The following SERPINB8 variants were observed in gnomAD, a reference collection of about 807,000 sequenced individuals.
SERPINB8 encodes serpin family B member 8.
SERPINB8 carries 25 observed loss-of-function variants against 35.3 expected under a neutral mutation model. The observed-to-expected ratio is 0.71, with a 90% CI of 0.52 to 0.99. The LOEUF (loss-of-function observed/expected upper bound fraction) is 0.99. Among genes scored for constraint, SERPINB8 ranks in the 50% least tolerant of loss-of-function variants. The pLI is 0.00. For synonymous variants in SERPINB8, 186 were observed against 160.8 expected (o/e 1.16, Z -1.19); for missense variants, 484 against 446.5 (o/e 1.08, Z -0.76).
At chr18:63,974,596 C>G (rs1163706686) in intron 1 of SERPINB8, among the ~76,000 whole-genome samples, 1 of 152,210 alleles carries the variant, frequency 6.6e-6, no homozygotes, top group African/African-American at 2.4e-5. Context: ...GAAATAAAAA[C>G]TTCTGATTCC....
At chr18:63,997,433 A>G (rs567944134) in intron 1 of SERPINB8, among the ~76,000 whole-genome samples, 1 of 152,332 alleles carries the variant, frequency 6.6e-6, no homozygotes, top group African/African-American at 2.4e-5. Flanking sequence ...CCTCCCAGGC[A>G]TGTCGTCCAA....
downstream of SERPINB8, among the ~76,000 whole-genome samples, chr18:63,991,543 G>GTT (rs140763221): frequency 6.6e-6 from 1 of 151,352 alleles, no homozygotes; most frequent in Admixed American, 6.6e-5. Context: ...TATAATACAG[G>GTT]TTTTTTTTTG....
At chr18:64,017,507 CA>C (rs2050956094) in intron 7 of SERPINB8, among the ~76,000 whole-genome samples, 1 of 152,100 alleles carries the variant, frequency 6.6e-6, no homozygotes, top group Non-Finnish European at 1.5e-5. Flanking sequence ...CACAATTTTT[CA>C]GTATGTTCTA....
At chr18:63,979,667 T>C (rs2050638875) in intron 2 of SERPINB8, 134 bp from the exon 3 acceptor site, 1 of 1,025,754 alleles carries the variant, frequency 9.7e-7, no homozygotes, top group South Asian at 1.5e-5. Flanking sequence ...AGAAACCCTG[T>C]GCTAGACAAT....
At chr18:64,006,417 T>C (rs1253211486), downstream of SERPINB8, among the ~76,000 whole-genome samples, 1 of 152,120 alleles carries the variant, frequency 6.6e-6, no homozygotes, top group African/African-American at 2.4e-5. Context: ...ATGGGAACCC[T>C]CATGTGGGAT....
intron 1 of SERPINB8, among the ~76,000 whole-genome samples, chr18:63,999,647 T>C (rs1244512529): frequency 6.6e-6 from 1 of 152,242 alleles, no homozygotes; most frequent in African/African-American, 2.4e-5. Flanking sequence ...CCCAACCCGA[T>C]GTATACCTTT....
intron 1 of SERPINB8, among the ~76,000 whole-genome samples, chr18:63,975,581 C>A (rs1472719586): frequency 6.6e-6 from 1 of 152,060 alleles, no homozygotes; most frequent in Non-Finnish European, 1.5e-5. Flanking sequence ...TTTTCTGAAC[C>A]CTAACCATAA....
intron 5 of SERPINB8, among the ~76,000 whole-genome samples, chr18:63,984,470 C>T (rs539572153): frequency 2.0e-5 from 3 of 152,290 alleles, no homozygotes; most frequent in African/African-American, 7.2e-5. Context: ...CCTAACTTTA[C>T]CTTCCCTTTT....
downstream of SERPINB8, among the ~76,000 whole-genome samples, chr18:64,008,219 A>T (rs2050909277): frequency 6.6e-6 from 1 of 152,040 alleles, no homozygotes; most frequent in Non-Finnish European, 1.5e-5. Flanking sequence ...ATTCTTAATA[A>T]ACAAAGGAGA....
chr18:63,971,134 C>G (rs560936015), intron 1 of SERPINB8, among the ~76,000 whole-genome samples: 1 of 152,146 alleles, frequency 6.6e-6, no homozygotes, highest in Non-Finnish European at 1.5e-5. Context: ...CCAGCACACC[C>G]TGATGGCTGG....
At chr18:63,982,592 G>A (rs1403086165) in intron 4 of SERPINB8, among the ~76,000 whole-genome samples, 2 of 152,154 alleles carry the variant, frequency 1.3e-5, no homozygotes, top group East Asian at 3.9e-4. Flanking sequence ...CAGAAGTAAT[G>A]CCCCTGATTC....
intron 1 of SERPINB8, among the ~76,000 whole-genome samples, chr18:63,970,804 C>T (rs1291320301): frequency 2.0e-5 from 3 of 152,126 alleles, no homozygotes; most frequent in Non-Finnish European, 4.4e-5. Context: ...CCGTTCTTTC[C>T]ACCCCTGCCT....
rs2050778044 is a variant in SERPINB8 at position 63,987,376 on chromosome 18, A to AAAT, written c.*101_*103dup. 1 of 1,252,020 alleles carries AAAT rather than the reference A, an allele frequency of 8.0e-7. No homozygotes were observed. The highest frequency in any genetic ancestry group is 2.2e-5 in the Admixed American group (1 of 45,336). 77.6% of individuals were successfully genotyped at this position (1,252,020 alleles called of 1,614,324 possible). On this transcript the variant is annotated 3_prime_UTR_variant, in exon 7 of 7. Coordinates refer to ENST00000397985, the MANE Select transcript of SERPINB8 (RefSeq NM_002640.4). ...AGTTGGTGCAGTGGCTTGAATGCCA[A>AAAT]AATAAAGCGTGTGCACTGGATAGTG...
intron 3 of SERPINB8, among the ~76,000 whole-genome samples, chr18:63,980,246 G>A (rs541846107): frequency 6.6e-6 from 1 of 152,256 alleles, no homozygotes; most frequent in African/African-American, 2.4e-5. Flanking sequence ...CCAGTCCCAA[G>A]TGTGGTTATT....
intron 7 of SERPINB8, among the ~76,000 whole-genome samples, chr18:64,018,071 C>T (rs1239151840): frequency 6.6e-6 from 1 of 152,158 alleles, no homozygotes; most frequent in Non-Finnish European, 1.5e-5. Flanking sequence ...CGCCATTAGC[C>T]TGTATGAATT....
chr18:63,970,480 C>T (rs1212874736), intron 1 of SERPINB8: 1 of 153,480 alleles, frequency 6.5e-6, no homozygotes, highest in Admixed American at 6.5e-5. Flanking sequence ...AGGAAGCTGC[C>T]CCTGGAGAGG....
intron 1 of SERPINB8, among the ~76,000 whole-genome samples, chr18:63,972,563 G>A (rs936039406): frequency 6.6e-6 from 1 of 152,012 alleles, no homozygotes; most frequent in Non-Finnish European, 1.5e-5. Flanking sequence ...AGGTATACAT[G>A]AGCCATGTTG....
intron 1 of SERPINB8, among the ~76,000 whole-genome samples, chr18:64,001,475 G>GTTTGTTTGTTTATTTATTTATTTA (rs1555716935): frequency 6.8e-6 from 1 of 146,802 alleles, no homozygotes; most frequent in African/African-American, 2.6e-5. Context: ...TTGTTTGTTT[G>GTTTGTTTGTTTATTTATTTATTTA]TTTATTTATT....
intron 1 of SERPINB8, among the ~76,000 whole-genome samples, chr18:63,975,468 C>T (rs2050567002): frequency 6.6e-6 from 1 of 152,120 alleles, no homozygotes; most frequent in Non-Finnish European, 1.5e-5. Context: ...TAGTGAGAAA[C>T]AGGAATATTT....
Sources: allele counts gnomAD v4.1 joint callset (sites outside exome capture counted in the v4.1 genomes callset), GRCh38; gene constraint gnomAD v4.1.1; transcripts MANE v1.5; gene names NCBI Gene and HGNC (gene_info 2026-07-23, HGNC 2026-07-21).